The following GALNT17 variants were observed in gnomAD, a reference collection of about 807,000 sequenced individuals.
GALNT17 encodes the protein UDP-GalNAc:polypeptide N-acetylgalactosaminyltransferase-like 3.
GALNT17 carries 29 observed loss-of-function variants against 63.7 expected under a neutral mutation model. The observed-to-expected ratio is 0.46, with a 90% CI of 0.34 to 0.62. GALNT17 has a LOEUF of 0.62. Among genes scored for constraint, GALNT17 ranks in the 20% least tolerant of loss-of-function variants. The pLI is 0.01. For synonymous variants in GALNT17, 305 were observed against 318.3 expected (o/e 0.96, Z 0.45); for missense variants, 603 against 799.6 (o/e 0.75, Z 2.97).
intron 6 of GALNT17, 142 bp from the exon 7 acceptor site, chr7:71,665,269 G>A (rs894475500): frequency 3.4e-6 from 3 of 874,798 alleles, no homozygotes; most frequent in Non-Finnish European, 5.3e-6. Context: ...GAACCACCGT[G>A]CACAACCTCT....
In GALNT17 at chr7:71,472,980, T is replaced by C. The variant is rs1003295514; in HGVS notation, c.962+51875T>C. 3.9e-5 allele frequency among the ~76,000 whole-genome samples: 6 copies of C among 152,330 alleles called. No homozygotes were observed. In the South Asian group the frequency reaches 1.0e-3, roughly 26 times the overall value. ...GTTGTCAGGTTACAGGTTGGCTTTATACAATTTATGAGACAAGAATTGTAG... is the reference window on the plus strand; with the variant it reads ...GTTGTCAGGTTACAGGTTGGCTTTACACAATTTATGAGACAAGAATTGTAG... On this transcript the variant is annotated intron_variant, in intron 5 of 10. Transcript: ENST00000333538.
At chr7:71,377,114 A>AAAAATATATATATATATATATAT in intron 2 of GALNT17, among the ~76,000 whole-genome samples, 6 of 57,480 alleles carry the variant, frequency 1.0e-4, no homozygotes, top group Admixed American at 5.0e-4. Context: ...AAATAAAAAA[A>AAAAATATATATATATATATATAT]ATATATATAT....
chr7:71,470,382 A>T (rs1787607897), intron 5 of GALNT17, among the ~76,000 whole-genome samples: 1 of 152,104 alleles, frequency 6.6e-6, no homozygotes, highest in South Asian at 2.1e-4. Context: ...TACAGAGGAG[A>T]AACAGCAGAA....
chr7:71,401,601 G>T (rs143961878), intron 3 of GALNT17, among the ~76,000 whole-genome samples: 1 of 152,074 alleles, frequency 6.6e-6, no homozygotes, highest in Non-Finnish European at 1.5e-5. Flanking sequence ...CATTGCTCGC[G>T]TTACCACCTG....
chr7:71,579,430 A>G (rs1244723249), intron 6 of GALNT17, among the ~76,000 whole-genome samples: 1 of 152,252 alleles, frequency 6.6e-6, no homozygotes, highest in Non-Finnish European at 1.5e-5. Context: ...AATACTGTTC[A>G]TGAAATAAAT....
intron 5 of GALNT17, among the ~76,000 whole-genome samples, chr7:71,548,418 C>G (rs1789022242): frequency 6.6e-6 from 1 of 152,146 alleles, no homozygotes; most frequent in Non-Finnish European, 1.5e-5. Flanking sequence ...TGGGCCACAC[C>G]ATCTTTTCTT....
intron 5 of GALNT17, among the ~76,000 whole-genome samples, chr7:71,460,732 A>C (rs1420996458): frequency 6.6e-6 from 1 of 152,198 alleles, no homozygotes; most frequent in Non-Finnish European, 1.5e-5. Context: ...TCTTGATGAT[A>C]CGCTAAACAA....
chr7:71,364,758 C>T (rs920707938), intron 2 of GALNT17, among the ~76,000 whole-genome samples: 1 of 152,062 alleles, frequency 6.6e-6, no homozygotes, highest in African/African-American at 2.4e-5. Flanking sequence ...ACAATCCCAC[C>T]TGCTGGCTGA....
chr7:71,380,167 T>G (rs1161042440), intron 2 of GALNT17, among the ~76,000 whole-genome samples: 1 of 151,994 alleles, frequency 6.6e-6, no homozygotes, highest in Non-Finnish European at 1.5e-5. Flanking sequence ...CTGGAAACTT[T>G]AACAAGAGCA....
At chr7:71,485,929 GA>G (rs1313000173) in intron 5 of GALNT17, among the ~76,000 whole-genome samples, 5 of 152,154 alleles carry the variant, frequency 3.3e-5, no homozygotes, top group Non-Finnish European at 7.3e-5. Context: ...ACGTTTCTCT[GA>G]TTGGAGCAAA....
At chr7:71,608,802 G>A (rs1220831015) in intron 6 of GALNT17, among the ~76,000 whole-genome samples, 2 of 151,994 alleles carry the variant, frequency 1.3e-5, no homozygotes, top group African/African-American at 2.4e-5. Context: ...TATTAGAAAT[G>A]GGGTCTTGCT....
intron 1 of GALNT17, among the ~76,000 whole-genome samples, chr7:71,149,215 G>C (rs1050331459): frequency 4.6e-5 from 7 of 152,036 alleles, no homozygotes; most frequent in African/African-American, 1.4e-4. Flanking sequence ...CACCACGCCT[G>C]GCTAATACAC....
In GALNT17 at chr7:71,459,785, T is replaced by A. The variant is rs114012833; in HGVS notation, c.962+38680T>A. ...CTATCCTGAAGAGATTACCTGACAGTCTAGCACCTTTTAAAGGTCTGAATA... is the reference window on the plus strand; with the variant it reads ...CTATCCTGAAGAGATTACCTGACAGACTAGCACCTTTTAAAGGTCTGAATA... On this transcript the variant is annotated intron_variant, in intron 5 of 10. Coordinates refer to ENST00000333538, the MANE Select transcript of GALNT17 (RefSeq NM_022479.3). Among the ~76,000 whole-genome samples, 796 of 152,102 alleles carry A rather than the reference T, an allele frequency of 5.2e-3. 8 individuals carry two copies. Among genetic ancestry groups the A allele is most frequent in the African/African-American group, 0.018 (759 of 41,374 alleles).
At chr7:71,619,980 C>T (rs537866692) in intron 6 of GALNT17, among the ~76,000 whole-genome samples, 23 of 152,140 alleles carry the variant, frequency 1.5e-4, no homozygotes, top group Admixed American at 1.4e-3. Flanking sequence ...TCTTGTCTTT[C>T]GAGGGTGTTT....
At chr7:71,218,311 A>G (rs1021234008) in intron 1 of GALNT17, among the ~76,000 whole-genome samples, 1 of 151,922 alleles carries the variant, frequency 6.6e-6, no homozygotes, top group Non-Finnish European at 1.5e-5. Context: ...TCTTTTCCCT[A>G]TGGTGGGGCA....
In GALNT17 at chr7:71,489,353, G is replaced by A. The variant is rs190053113; in HGVS notation, c.962+68248G>A. ...CTCTTATAGGGGAGGACAGATTTAG[G>A]CCTGGAAACCTGAGAGAAGATCAGG... On this transcript the variant is annotated intron_variant, in intron 5 of 10. Transcript: ENST00000333538. 1.9e-3 allele frequency among the ~76,000 whole-genome samples: 295 copies of A among 152,300 alleles called. 1 individual carries two copies. The highest frequency in any genetic ancestry group is 3.6e-3 in the Non-Finnish European group (244 of 68,028).
At chr7:71,592,561 TACTA>T (rs1789823338) in intron 6 of GALNT17, among the ~76,000 whole-genome samples, 1 of 38,852 alleles carries the variant, frequency 2.6e-5, no homozygotes, top group Non-Finnish European at 6.6e-5. Flanking sequence ...TAGCATAGCA[TACTA>T]AAATAAAATA....
intron 1 of GALNT17, among the ~76,000 whole-genome samples, chr7:71,146,177 C>T (rs1372789586): frequency 6.6e-6 from 1 of 152,082 alleles, no homozygotes; most frequent in Non-Finnish European, 1.5e-5. Context: ...CTCCCCACGC[C>T]CTGAGTGACT....
At position 71,349,722 on chromosome 7, in the gene GALNT17, A is replaced by T. The variant is rs375944565; in HGVS notation, c.422+13989A>T. Among the ~76,000 whole-genome samples, 18 of 152,344 alleles carry T rather than the reference A, an allele frequency of 1.2e-4. No homozygotes were observed. The South Asian group carries it at 3.3e-3, about 28-fold the overall frequency. On this transcript the variant is annotated intron_variant, in intron 2 of 10. Transcript: ENST00000333538. ...AAATTCCTTAATGGTACGTGCCCCA[A>T]TGATGAAGCAATGTGATTATGTCTC...
Sources: allele counts gnomAD v4.1 joint callset (sites outside exome capture counted in the v4.1 genomes callset), GRCh38; gene constraint gnomAD v4.1.1; transcripts MANE v1.5; gene names NCBI Gene and HGNC (gene_info 2026-07-23, HGNC 2026-07-21).